SMARCAL1: variants seen among roughly 807,000 people sequenced by gnomAD.
SMARCAL1 encodes SNF2 related chromatin remodeling annealing helicase 1.
SMARCAL1 carries 58 observed loss-of-function variants against 94.5 expected under a neutral mutation model. The ratio of observed to expected loss-of-function variants is 0.61; its 90% CI spans 0.50 to 0.76. SMARCAL1 has a LOEUF of 0.76. Among genes scored for constraint, SMARCAL1 ranks in the 30% least tolerant of loss-of-function variants. SMARCAL1 has a pLI of 0.00. For synonymous variants in SMARCAL1, 422 were observed against 455.1 expected, an observed-to-expected ratio of 0.93 and a Z score of 0.93; for missense variants, 1,051 against 1,177.9, an observed-to-expected ratio of 0.89 and a Z score of 1.58.
chr2:216,435,595 A>T, intron 9 of SMARCAL1, 99 bp downstream of exon 9: 2 of 1,072,970 alleles, frequency 1.9e-6, no homozygotes, highest in Non-Finnish European at 2.9e-6. Context: ...CTTGAGCCCC[A>T]TTTAGTTTCT....
At chr2:216,469,667 A>T (rs1199897453) in intron 14 of SMARCAL1, among the ~76,000 whole-genome samples, 1 of 152,124 alleles carries the variant, frequency 6.6e-6, no homozygotes, top group Non-Finnish European at 1.5e-5. Context: ...TATCGTGTGA[A>T]TATTATAGTA....
intron 9 of SMARCAL1, among the ~76,000 whole-genome samples, chr2:216,436,018 G>T (rs1056306350): frequency 2.6e-5 from 4 of 152,208 alleles, no homozygotes; most frequent in Non-Finnish European, 5.9e-5. Flanking sequence ...ACCCAGGCTG[G>T]AGTGCAGTGG....
At chr2:216,421,593 T>G (rs183994017) in intron 5 of SMARCAL1, among the ~76,000 whole-genome samples, 5 of 152,280 alleles carry the variant, frequency 3.3e-5, no homozygotes, top group African/African-American at 1.2e-4. Context: ...CTGGCCGTTT[T>G]GCTTTAGTTT....
rs1694127453 is a variant in SMARCAL1 at position 216,438,503 on chromosome 2, C to T, written c.1710+18C>T. ...TCCTAAAGGTGAGTACTTCTGAGAA[C>T]TGAGCCCACTGAGCATTGGCATCCC... On this transcript the variant is annotated intron_variant, in intron 10 of 17. Transcript: ENST00000357276. 4.4e-6 allele frequency: 7 copies of T among 1,605,650 alleles called. No individual in the cohort carries two copies. In the East Asian group the frequency reaches 1.6e-4, roughly 36 times the overall value.
At chr2:216,442,785 C>G (rs1694223951) in intron 10 of SMARCAL1, among the ~76,000 whole-genome samples, 1 of 152,104 alleles carries the variant, frequency 6.6e-6, no homozygotes, top group African/African-American at 2.4e-5. Context: ...GATTTGTAAC[C>G]AAATTGCAGC....
intron 2 of SMARCAL1, chr2:216,414,162 CTT>C (rs150382661): frequency 1.6e-4 from 23 of 147,684 alleles, no homozygotes; most frequent in African/African-American, 4.3e-4. Flanking sequence ...TTGCTTTTTG[CTT>C]TTTTTTTTTT....
At chr2:216,430,823 G>A (rs887267134) in intron 7 of SMARCAL1, among the ~76,000 whole-genome samples, 3 of 152,344 alleles carry the variant, frequency 2.0e-5, no homozygotes, top group East Asian at 1.9e-4. Flanking sequence ...GCCTGTCCTC[G>A]CTGGCCACCA....
At chr2:216,418,327 C>G (rs1264284448) in intron 4 of SMARCAL1, among the ~76,000 whole-genome samples, 1 of 152,192 alleles carries the variant, frequency 6.6e-6, no homozygotes, top group Non-Finnish European at 1.5e-5. Flanking sequence ...AAAAAATTCT[C>G]CATATAGCTT....
rs371394232 is a variant in SMARCAL1, at chr2:216,432,851, C to A, written c.1468C>A (p.Arg490Ser). 6.2e-7 allele frequency: 1 copy of A among 1,614,100 alleles called. No individual in the cohort carries two copies. Among genetic ancestry groups the A allele is most frequent in the African/African-American group, 1.3e-5 (1 of 74,938 alleles). The change falls in exon 8 of 18, where the codon CGC becomes AGC. Residue 490 changes from arginine to serine, a missense_variant. Arg to Ser is a moderately radical substitution (Grantham distance 110, BLOSUM62 -1). This residue lies in a region of SMARCAL1 where 642 missense variants were observed against 754.7 expected (regional missense o/e 0.85). Coordinates refer to ENST00000357276, the MANE Select transcript of SMARCAL1 (RefSeq NM_014140.4). ...CCTGGTGGTGGTGCCATCCTCCGTG[C>A]GCTTCACCTGGGAGCAGGTTAATGG... ...PLLVVVPSSV[R>S]FTWEQAFLRW...
At chr2:216,456,613 G>A (rs1042617946) in intron 12 of SMARCAL1, among the ~76,000 whole-genome samples, 5 of 152,136 alleles carry the variant, frequency 3.3e-5, no homozygotes, top group African/African-American at 1.2e-4. Context: ...AAGTGAAGGA[G>A]AAATAAAATC....
intron 6 of SMARCAL1, 84 bp downstream of exon 6, chr2:216,423,767 A>C (rs937488616): frequency 8.1e-7 from 1 of 1,241,506 alleles, no homozygotes; most frequent in Non-Finnish European, 1.2e-6. Flanking sequence ...TTTTTGAAGA[A>C]TCTTCTCCTC....
At chr2:216,479,365 G>T (rs1457224638) in intron 17 of SMARCAL1, 1 of 151,706 alleles carries the variant, frequency 6.6e-6, no homozygotes, top group Non-Finnish European at 1.5e-5. Context: ...AGCCTAGGAG[G>T]TCAAGGCTGT....
In SMARCAL1 at chr2:216,475,523, G is replaced by A. The variant is rs778440463; in HGVS notation, c.2427+72G>A. 2 of 1,498,012 alleles carry A rather than the reference G, an allele frequency of 1.3e-6. No individual in the cohort carries two copies. Among genetic ancestry groups the A allele is most frequent in the Admixed American group, 1.7e-5 (1 of 59,704 alleles). The allele number at this position is 1,498,012 out of a possible 1,614,324, so 92.8% of individuals were successfully genotyped here. A position where few individuals can be genotyped will look rare whatever the true frequency, so the allele number is the denominator to read the frequency against. On this transcript the variant is annotated intron_variant, in intron 15 of 17. Transcript: ENST00000357276. This position sits in a 1 kb window ranked among gnomAD's most constrained non-coding sequence, Gnocchi z 4.4. ...TGTGGGCAGGAAGCAGTGAGTGTCGGTCGGGGAAAGTGTGGTTTCCCTTTT... is the reference window on the plus strand; with the variant it reads ...TGTGGGCAGGAAGCAGTGAGTGTCGATCGGGGAAAGTGTGGTTTCCCTTTT...
At chr2:216,450,355 T>G (rs1296960448) in intron 11 of SMARCAL1, among the ~76,000 whole-genome samples, 1 of 152,236 alleles carries the variant, frequency 6.6e-6, no homozygotes, top group Non-Finnish European at 1.5e-5. Context: ...TTGTACTTGT[T>G]TGTGCTGGTG....
intron 6 of SMARCAL1, among the ~76,000 whole-genome samples, chr2:216,426,189 A>G (rs1693829933): frequency 6.6e-6 from 1 of 152,244 alleles, no homozygotes; most frequent in South Asian, 2.1e-4. Context: ...TAAGAAAAAT[A>G]GAAGTGAGTT....
rs184960104 is a variant in SMARCAL1, at chr2:216,418,214, C to T, written c.862+1907C>T. On this transcript the variant is annotated intron_variant, in intron 4 of 17. Coordinates refer to ENST00000357276, the MANE Select transcript of SMARCAL1 (RefSeq NM_014140.4). ...GATTATAGATGTGAGACACTGTGCC[C>T]GACTATCATTGCTTTGTGTAATGCT... is the stretch of plus-strand genomic sequence containing the variant. 2.0e-5 allele frequency among the ~76,000 whole-genome samples: 3 copies of T among 152,224 alleles called. No homozygotes were observed. The East Asian group carries it at 5.8e-4, about 29-fold the overall frequency.
In SMARCAL1 at chr2:216,420,684, A is replaced by G. The variant is rs3816784; in HGVS notation, c.1096+152A>G. 25,497 of 723,054 alleles carry G rather than the reference A, an allele frequency of 0.035. 1,275 individuals are homozygous for G. Among genetic ancestry groups the G allele is most frequent in the East Asian group, 0.16 (5,831 of 37,030 alleles). The allele number at this position is 723,054 out of a possible 1,614,324, so 44.8% of individuals were successfully genotyped here. A position where few individuals can be genotyped will look rare whatever the true frequency, so the allele number is the denominator to read the frequency against. ...CTTCCTATAGAAAGATGACACGTTA[A>G]TTGTTCCAGATAGTAAACATACAGT... On this transcript the variant is annotated intron_variant, in intron 5 of 17. Coordinates refer to ENST00000357276, the MANE Select transcript of SMARCAL1 (RefSeq NM_014140.4).
In SMARCAL1 at chr2:216,482,814, A is replaced by T. The variant is rs772233742; in HGVS notation, c.2702A>T (p.Glu901Val). ...EKEGSDMELL[E>V]AAESFDPGSA... The stretch of plus-strand genomic sequence containing the variant: ...GAAGGAAGTGATATGGAGCTCCTGG[A>T]AGCAGCAGAGTCCTTTGACCCAGGA... The change falls in exon 18 of 18, where the codon GAA becomes GTA. Residue 901 changes from glutamate (E) to valine (V), a missense_variant. Glu to Val is a moderately radical substitution (Grantham distance 121). This residue lies in a region of SMARCAL1 where 642 missense variants were observed against 754.7 expected (regional missense o/e 0.85). Coordinates refer to ENST00000357276, the MANE Select transcript of SMARCAL1 (RefSeq NM_014140.4). This position sits in a 1 kb window ranked among gnomAD's most constrained non-coding sequence, Gnocchi z 4.3. The T allele has an allele frequency of 1.2e-6, 2 of 1,614,192 alleles. No homozygotes were observed. Among genetic ancestry groups the T allele is most frequent in the Middle Eastern group, 1.6e-4 (1 of 6,062 alleles).
At chr2:216,435,977 G>T (rs1261437444) in intron 9 of SMARCAL1, among the ~76,000 whole-genome samples, 1 of 151,854 alleles carries the variant, frequency 6.6e-6, no homozygotes, top group Non-Finnish European at 1.5e-5. Context: ...TTTCTGTGTT[G>T]TTTTTTTTGA....
Sources: allele counts gnomAD v4.1 joint callset (sites outside exome capture counted in the v4.1 genomes callset), GRCh38; gene constraint gnomAD v4.1.1; regional missense constraint gnomAD v4.1.1; non-coding constraint Gnocchi (gnomAD v3.1); transcripts MANE v1.5; gene names NCBI Gene and HGNC (gene_info 2026-07-23, HGNC 2026-07-21).